FANCL: variants seen among roughly 807,000 people sequenced by gnomAD.
The protein encoded by FANCL is FA complementation group L, also known as E3 ubiquitin-protein ligase FANCL.
A neutral mutation model predicts 59.4 loss-of-function variants in FANCL; 69 were observed. The ratio of observed to expected loss-of-function variants is 1.16; its 90% confidence interval spans 0.96 to 1.42. FANCL has a LOEUF of 1.42. Among genes scored for constraint, FANCL ranks in the 40% most tolerant of loss-of-function variants. FANCL has a pLI of 0.00. For missense variants in FANCL, 519 were observed against 447.2 expected (o/e 1.16, Z -1.45); for synonymous variants, 180 against 147.1 (o/e 1.22, Z -1.62).
chr2:58,165,689 C>T (rs202210053), intron 8 of FANCL, 35 bp downstream of exon 8: 93 of 1,613,042 alleles, frequency 5.8e-5, no homozygotes, highest in Non-Finnish European at 7.4e-5. Flanking sequence ...AAATAAAACA[C>T]CTAAAAACAA....
intron 5 of FANCL, among the ~76,000 whole-genome samples, chr2:58,208,466 C>T (rs539692922): frequency 1.3e-5 from 2 of 152,184 alleles, no homozygotes; most frequent in African/African-American, 4.8e-5. Flanking sequence ...GTTGTTGTCC[C>T]TGTTAATAGC....
In FANCL at chr2:58,238,148, A is replaced by G. The variant is rs561901520; in HGVS notation, c.96+3070T>C. On this transcript the variant is annotated intron_variant, in intron 1 of 13. Transcript: ENST00000233741. ...ACAAATTAATAAACTTTCTTAAAAC[A>G]TTATGGGATTTTTTGTGATTTTTTT... 2.0e-5 allele frequency among the ~76,000 whole-genome samples: 3 copies of G among 152,288 alleles called. No individual in the cohort carries two copies. In the South Asian group the frequency reaches 6.2e-4, roughly 32 times the overall value.
intron 7 of FANCL, among the ~76,000 whole-genome samples, chr2:58,191,122 G>C (rs1249101268): frequency 2.7e-5 from 4 of 150,400 alleles, no homozygotes; most frequent in African/African-American, 9.8e-5. Flanking sequence ...TTAGCCCCTG[G>C]ATTATAAAAA....
intron 7 of FANCL, among the ~76,000 whole-genome samples, chr2:58,166,161 G>A (rs1685933805): frequency 1.4e-5 from 1 of 69,110 alleles, no homozygotes; most frequent in East Asian, 3.6e-4. Context: ...CAATAGTAAT[G>A]AGTACAAGAT....
At chr2:58,206,313 G>A (rs1690577574) in intron 5 of FANCL, among the ~76,000 whole-genome samples, 1 of 151,662 alleles carries the variant, frequency 6.6e-6, no homozygotes, top group African/African-American at 2.4e-5. Flanking sequence ...AAGAAATATT[G>A]CATGTAGGCA....
Position 58,159,532 on chromosome 2 carries a change from A to C in FANCL, c.*233T>G. 1 of 1,613,854 alleles carries C rather than the reference A, an allele frequency of 6.2e-7. No homozygotes were observed. Among genetic ancestry groups the C allele is most frequent in the East Asian group, 2.2e-5 (1 of 44,856 alleles). On this transcript the variant is annotated 3_prime_UTR_variant, in exon 14 of 14. Transcript: ENST00000233741. ...TCCATCTTGGTATAAATACACTTCC[A>C]CAGTCAGCACGGGGATCACAGACTT...
intron 7 of FANCL, among the ~76,000 whole-genome samples, chr2:58,176,592 A>T (rs1354464160): frequency 6.6e-6 from 1 of 152,224 alleles, no homozygotes; most frequent in Non-Finnish European, 1.5e-5. Context: ...GGAAGCTGAA[A>T]CCGGATCCCT....
At chr2:58,218,588 G>C (rs988450258) in intron 5 of FANCL, among the ~76,000 whole-genome samples, 8 of 150,692 alleles carry the variant, frequency 5.3e-5, no homozygotes, top group African/African-American at 2.0e-4. Flanking sequence ...TCTAACCTAA[G>C]TAACTGAAAA....
intron 7 of FANCL, among the ~76,000 whole-genome samples, chr2:58,180,161 T>G (rs961439941): frequency 6.6e-6 from 1 of 152,200 alleles, no homozygotes; most frequent in Non-Finnish European, 1.5e-5. Context: ...GAAGACAGTG[T>G]GGCGATTCCT....
At chr2:58,236,500 G>A (rs1573839871) in intron 1 of FANCL, among the ~76,000 whole-genome samples, 1 of 147,052 alleles carries the variant, frequency 6.8e-6, no homozygotes, top group African/African-American at 2.5e-5. Context: ...CCAATAAACT[G>A]GCAAAGGAGA....
At position 58,221,942 on chromosome 2, in the gene FANCL, T is replaced by A; in HGVS notation, c.374A>T (p.Lys125Ile). 1 of 1,601,242 alleles carries A rather than the reference T, an allele frequency of 6.2e-7. No homozygotes were observed. The highest frequency in any genetic ancestry group is 8.6e-7 in the Non-Finnish European group (1 of 1,168,532). ...AAAACATATTTTAAAACAGACATACTTATCCCAACCAAGAGTTCCTATCTC... is the reference window on the plus strand; with the variant it reads ...AAAACATATTTTAAAACAGACATACATATCCCAACCAAGAGTTCCTATCTC... ...IEEIGTLGWDKLVYADTCFST... is the reference protein window; with the variant it reads ...IEEIGTLGWDILVYADTCFST... The change falls in exon 5 of 14, where the codon AAA becomes ATA. Residue 125 changes from lysine (K) to isoleucine (I), a missense_variant and splice_region_variant. Coordinates refer to ENST00000233741, the MANE Select transcript of FANCL (RefSeq NM_018062.4).
chr2:58,161,436 G>C lies in FANCL; in HGVS notation c.1020+86C>G, dbSNP rs527244587. The C allele has an allele frequency of 6.1e-5, 55 of 894,310 alleles. 2 individuals carry two copies. The South Asian group carries it at 7.2e-4, about 12-fold the overall frequency. 55.4% of individuals were successfully genotyped at this position (894,310 alleles called of 1,614,324 possible). On this transcript the variant is annotated intron_variant, in intron 12 of 13. Transcript: ENST00000233741. Reference sequence around the variant, plus strand: ...AGAGAGGATCACTATTGACTCAACAGATTTTAGATTCTGTGTATTTCAAAC... The same window carrying C: ...AGAGAGGATCACTATTGACTCAACACATTTTAGATTCTGTGTATTTCAAAC...
At chr2:58,169,561 C>A (rs532768430) in intron 7 of FANCL, among the ~76,000 whole-genome samples, 42 of 152,124 alleles carry the variant, frequency 2.8e-4, no homozygotes, top group African/African-American at 9.9e-4. Context: ...GTTTGACAAA[C>A]TGACAGAAGT....
At chr2:58,175,149 A>G (rs1687156001) in intron 7 of FANCL, among the ~76,000 whole-genome samples, 1 of 146,982 alleles carries the variant, frequency 6.8e-6, no homozygotes, top group African/African-American at 2.6e-5. Flanking sequence ...TCAATAGCTT[A>G]CCAACCAAAA....
chr2:58,233,100 T>A (rs1230310478), intron 1 of FANCL, among the ~76,000 whole-genome samples: 1 of 152,082 alleles, frequency 6.6e-6, no homozygotes, highest in African/African-American at 2.4e-5. Flanking sequence ...CTACTGACCT[T>A]TTCAAAAGGT....
At chr2:58,171,887 C>A (rs756905041) in intron 7 of FANCL, among the ~76,000 whole-genome samples, 13 of 152,192 alleles carry the variant, frequency 8.5e-5, no homozygotes, top group Admixed American at 3.9e-4. Flanking sequence ...CCCGGAAAAT[C>A]GGGTCACTCC....
At chr2:58,175,062 C>T (rs1461375222) in intron 7 of FANCL, among the ~76,000 whole-genome samples, 1 of 151,496 alleles carries the variant, frequency 6.6e-6, no homozygotes, top group East Asian at 1.9e-4. Context: ...TCGACACATA[C>T]TCCCTCCCAA....
At position 58,198,583 on chromosome 2, in the gene FANCL, G is replaced by C; in HGVS notation, c.540+11C>G. ...AAAACAAATTTAAGAATTTACCTGA[G>C]GAGAATTTACCTGAGGTGTCCAGGA... On this transcript the variant is annotated intron_variant, in intron 7 of 13. Transcript: ENST00000233741. 6.2e-7 allele frequency: 1 copy of C among 1,608,566 alleles called. No homozygotes were observed. Among genetic ancestry groups the C allele is most frequent in the East Asian group, 2.2e-5 (1 of 44,832 alleles).
intron 6 of FANCL, among the ~76,000 whole-genome samples, chr2:58,201,863 T>C (rs1381251377): frequency 6.6e-6 from 1 of 151,844 alleles, no homozygotes; most frequent in African/African-American, 2.4e-5. Flanking sequence ...TATTCCAGAA[T>C]AAATAGAACA....
Sources: gnomAD v4.1 joint callset for allele counts (sites outside exome capture counted in the v4.1 genomes callset) on GRCh38, gnomAD v4.1.1 for gene constraint, MANE v1.5 for transcripts, NCBI Gene and HGNC (gene_info 2026-07-23, HGNC 2026-07-21) for gene names.